The following AMOTL2 variants were observed in gnomAD, a reference collection of about 807,000 sequenced individuals.
AMOTL2 encodes angiomotin like 2, also known as angiomotin-like protein 2.
AMOTL2 carries 33 observed loss-of-function variants against 78.4 expected under a neutral mutation model. The ratio of observed to expected loss-of-function variants is 0.42; its 90% CI spans 0.32 to 0.56. The LOEUF is 0.56. AMOTL2 is among the 20% of genes least tolerant of loss of function. AMOTL2 has a pLI of 0.12. For missense variants in AMOTL2, 983 were observed against 1,030.1 expected, an observed-to-expected ratio of 0.95 and a Z score of 0.63; for synonymous variants, 422 against 428.8, an observed-to-expected ratio of 0.98 and a Z score of 0.20.
intron 1 of AMOTL2, among the ~76,000 whole-genome samples, chr3:134,372,147 G>A (rs533752076): frequency 6.6e-5 from 10 of 152,230 alleles, no homozygotes; most frequent in Non-Finnish European, 1.3e-4. Context: ...CAGAGCCTTG[G>A]CACAGTCAAC....
chr3:134,373,204 G>A (rs2017942005), intron 1 of AMOTL2, among the ~76,000 whole-genome samples: 1 of 152,088 alleles, frequency 6.6e-6, no homozygotes, highest in African/African-American at 2.4e-5. Context: ...GCTACCCGAG[G>A]CAAAGCAAGC....
chr3:134,359,232 G>C, intron 8 of AMOTL2, 51 bp downstream of exon 8: 1 of 1,591,624 alleles, frequency 6.3e-7, no homozygotes, highest in Admixed American at 1.7e-5. Context: ...TCTGTGTTCA[G>C]GCCCAGGAGA....
intron 5 of AMOTL2, among the ~76,000 whole-genome samples, chr3:134,364,398 C>T (rs1236316160): frequency 6.6e-6 from 1 of 152,132 alleles, no homozygotes; most frequent in Non-Finnish European, 1.5e-5. Flanking sequence ...TCCCAGAAAC[C>T]CGCCCCATGG....
upstream of AMOTL2, chr3:134,375,344 C>T (rs1387144877): frequency 2.7e-6 from 3 of 1,098,004 alleles, no homozygotes; most frequent in Non-Finnish European, 4.0e-6. Flanking sequence ...GTTCTGTTAT[C>T]ATCCCTGTGT....
At chr3:134,359,724 G>C (rs6439478) in intron 7 of AMOTL2, among the ~76,000 whole-genome samples, 110,119 of 152,152 alleles carry the variant, frequency 0.72, 40,636 homozygotes, top group East Asian at 0.92. Context: ...AAAACCACCA[G>C]TGCATAAGGC....
intron 3 of AMOTL2, chr3:134,366,659 T>C: frequency 2.1e-6 from 1 of 467,356 alleles, no homozygotes; most frequent in Non-Finnish European, 3.8e-6. Flanking sequence ...GACCAGATGC[T>C]GAGTGAACCC....
intron 1 of AMOTL2, chr3:134,373,836 G>A (rs950371231): frequency 1.2e-5 from 12 of 985,258 alleles, no homozygotes; most frequent in African/African-American, 1.7e-5. Context: ...CACCGGGCTG[G>A]ACAGCAGGCT....
chr3:134,375,377 CAG>C, upstream of AMOTL2: 1 of 836,256 alleles, frequency 1.2e-6, no homozygotes, highest in Non-Finnish European at 2.0e-6. Flanking sequence ...CACCAGGGCT[CAG>C]AGAGCTTAAG....
chr3:134,367,222 C>T (rs2017646926), intron 3 of AMOTL2, among the ~76,000 whole-genome samples: 1 of 152,050 alleles, frequency 6.6e-6, no homozygotes, highest in African/African-American at 2.4e-5. Context: ...TGCGAGTGTG[C>T]AAGGAGCTGG....
In AMOTL2 at chr3:134,371,498, G is replaced by A. The variant is rs762209250; in HGVS notation, c.-61-4C>T. 6.3e-7 allele frequency: 1 copy of A among 1,586,776 alleles called. No individual in the cohort carries two copies. The highest frequency in any genetic ancestry group is 8.5e-7 in the Non-Finnish European group (1 of 1,170,358). On this transcript the variant is annotated splice_region_variant and splice_polypyrimidine_tract_variant and intron_variant, in intron 1 of 9. Coordinates refer to ENST00000249883, the MANE Select transcript of AMOTL2 (RefSeq NM_016201.4). The stretch of plus-strand genomic sequence containing the variant: ...GTGGCACCTGGCCCCAGAGCACCTG[G>A]AGTGGGGTGGGGAGAGAGAGAGAGA...
At chr3:134,363,547 G>C (rs1177898737) in intron 5 of AMOTL2, among the ~76,000 whole-genome samples, 2 of 152,200 alleles carry the variant, frequency 1.3e-5, no homozygotes, top group African/African-American at 2.4e-5. Context: ...TGGGGCGCAG[G>C]GAGAGAAGAA....
intron 5 of AMOTL2, among the ~76,000 whole-genome samples, chr3:134,363,327 G>T (rs1015967817): frequency 2.0e-5 from 3 of 152,236 alleles, no homozygotes; most frequent in African/African-American, 7.2e-5. Flanking sequence ...CAATAATATT[G>T]AAACGGATGT....
At chr3:134,370,264 C>T (rs1243425154) in intron 2 of AMOTL2, among the ~76,000 whole-genome samples, 1 of 152,196 alleles carries the variant, frequency 6.6e-6, no homozygotes, top group Non-Finnish European at 1.5e-5. Flanking sequence ...AGGAATGCCT[C>T]CCAATAATCA....
rs10534341 is a variant in AMOTL2, at chr3:134,374,373, GAC to G, written c.-95_-94del. 250,930 of 985,034 alleles carry G rather than the reference GAC, an allele frequency of 0.25. 34,956 individuals carry two copies. The highest frequency in any genetic ancestry group is 0.88 in the East Asian group (7,666 of 8,674). The allele number at this position is 985,034 out of a possible 1,614,324, so 61.0% of individuals were successfully genotyped here. A position where few individuals can be genotyped will look rare whatever the true frequency, so the allele number is the denominator to read the frequency against. ...GGCCCGAGGGTGCCCAGCGCAGTCA[GAC>G]ACCACAACCTCCGGCTCGGCCCAGC... On this transcript the variant is annotated 5_prime_UTR_variant, in exon 1 of 10. Transcript: ENST00000249883.
chr3:134,367,025 G>A (rs1329027306), intron 3 of AMOTL2, among the ~76,000 whole-genome samples: 1 of 152,176 alleles, frequency 6.6e-6, no homozygotes, highest in Non-Finnish European at 1.5e-5. Context: ...CTCCCACTTG[G>A]CTGCTGGCAG....
intron 5 of AMOTL2, among the ~76,000 whole-genome samples, chr3:134,364,955 C>G (rs2017539906): frequency 6.6e-6 from 1 of 152,114 alleles, no homozygotes; most frequent in African/African-American, 2.4e-5. Context: ...TCAGGGCTCC[C>G]TTTGCCACCC....
chr3:134,365,060 G>A lies in AMOTL2; in HGVS notation c.1279+757C>T, dbSNP rs560167241. On this transcript the variant is annotated intron_variant, in intron 5 of 9. Transcript: ENST00000249883. The stretch of plus-strand genomic sequence containing the variant: ...CACAGAGCCCCTCTCTCAGGCCACC[G>A]GGGCTCCTAATCACCGGTTTCTAGG... Among the ~76,000 whole-genome samples the A allele has an allele frequency of 5.3e-5, 8 of 152,032 alleles. No individual in the cohort carries two copies. In the South Asian group the frequency reaches 1.0e-3, roughly 20 times the overall value.
At position 134,371,391 on chromosome 3, in the gene AMOTL2, G is replaced by A; in HGVS notation, c.43C>T (p.Leu15Phe). 1 of 1,607,494 alleles carries A rather than the reference G, an allele frequency of 6.2e-7. No individual in the cohort carries two copies. The highest frequency in any genetic ancestry group is 8.5e-7 in the Non-Finnish European group (1 of 1,180,004). Residue 15 changes from leucine (L) to phenylalanine (F), a missense_variant, in exon 2 of 10, where the codon CTC (leucine) becomes TTC (phenylalanine). Physicochemically the swap from Leu to Phe is conservative, Grantham distance 22. Transcript: ENST00000249883. Reference sequence around the variant, plus strand: ...CCGTAGCGCAGCTGCTCCTGGATGAGGCGGTGCAGGACTGTCCCCGAGGAG... The same window carrying A: ...CCGTAGCGCAGCTGCTCCTGGATGAAGCGGTGCAGGACTGTCCCCGAGGAG... Reference protein sequence around the residue: ...EDSSGTVLHRLIQEQLRYGNL... With the variant: ...EDSSGTVLHRFIQEQLRYGNL...
chr3:134,371,699 G>T, intron 1 of AMOTL2: 1 of 780,224 alleles, frequency 1.3e-6, no homozygotes, highest in South Asian at 3.3e-5. Flanking sequence ...CTGAGCCTCA[G>T]TTTCTCCACC....
Sources: gnomAD v4.1 joint callset for allele counts (sites outside exome capture counted in the v4.1 genomes callset) on GRCh38, gnomAD v4.1.1 for gene constraint, MANE v1.5 for transcripts, NCBI Gene and HGNC (gene_info 2026-07-23, HGNC 2026-07-21) for gene names.